Variants in KCTD1 observed in about 807,000 individuals in gnomAD.
KCTD1 encodes BTB/POZ domain-containing protein KCTD1.
KCTD1 carries 24 observed loss-of-function variants against 66.0 expected under a neutral mutation model. That is an observed-to-expected ratio of 0.36 (90% CI 0.26 to 0.51). The LOEUF is 0.51. Ranked by LOEUF, KCTD1 falls within the 20% of genes least tolerant of loss-of-function variation. The probability of loss-of-function intolerance (pLI) is 0.95; values close to 1 mark genes in which losing one functional copy is unlikely to be tolerated. For synonymous variants in KCTD1, 511 were observed against 517.2 expected, an observed-to-expected ratio of 0.99 and a Z score of 0.16; for missense variants, 943 against 1,205.2, an observed-to-expected ratio of 0.78 and a Z score of 3.22.
intron 1 of KCTD1, among the ~76,000 whole-genome samples, chr18:26,567,272 A>G (rs1013295993): frequency 1.3e-5 from 2 of 152,176 alleles, no homozygotes; most frequent in Non-Finnish European, 2.9e-5. Context: ...GTGTTTCAAG[A>G]AACATGTTAC....
intron 1 of KCTD1, among the ~76,000 whole-genome samples, chr18:26,600,587 T>C (rs533399951): frequency 2.6e-5 from 4 of 152,168 alleles, no homozygotes; most frequent in South Asian, 4.2e-4. Context: ...CTTCACCTCA[T>C]GTTAAGAGAA....
intron 1 of KCTD1, among the ~76,000 whole-genome samples, chr18:26,525,995 C>T (rs1393040401): frequency 6.6e-6 from 1 of 152,132 alleles, no homozygotes; most frequent in African/African-American, 2.4e-5. Flanking sequence ...CTATCATTTC[C>T]AGAGCCTACA....
At chr18:26,650,588 A>G (rs1303571249) in intron 1 of KCTD1, among the ~76,000 whole-genome samples, 3 of 152,254 alleles carry the variant, frequency 2.0e-5, no homozygotes, top group Admixed American at 2.0e-4. Context: ...AGAGAGATTC[A>G]GTAATTTAAC....
intron 1 of KCTD1, among the ~76,000 whole-genome samples, chr18:26,540,136 T>C (rs1984906812): frequency 6.6e-6 from 1 of 152,142 alleles, no homozygotes; most frequent in South Asian, 2.1e-4. Flanking sequence ...TGAACTGGGT[T>C]AAACCGGACT....
chr18:26,568,714 C>CTA (rs1240840562), intron 1 of KCTD1, among the ~76,000 whole-genome samples: 3 of 152,216 alleles, frequency 2.0e-5, no homozygotes, highest in Non-Finnish European at 4.4e-5. Context: ...GGCCAACACT[C>CTA]TGTTTGCTTC....
In KCTD1 at chr18:26,459,455, A is replaced by T. The variant is rs79452932; in HGVS notation, c.2439+165T>A. On this transcript the variant is annotated intron_variant, in intron 4 of 4. Transcript: ENST00000580059. ...TCCCAGCACCTGGCACAATCACAAG[A>T]CTTACGGAATGACTGCTATAGAGGG... 1,311 of 641,208 alleles carry T rather than the reference A, an allele frequency of 2.0e-3. 16 individuals are homozygous for T. In the African/African-American group the frequency reaches 0.022, roughly 11 times the overall value. The allele number at this position is 641,208 out of a possible 1,614,324, so 39.7% of individuals were successfully genotyped here. A position where few individuals can be genotyped will look rare whatever the true frequency, so the allele number is the denominator to read the frequency against.
intron 1 of KCTD1, among the ~76,000 whole-genome samples, chr18:26,617,990 G>T (rs1345016298): frequency 1.3e-5 from 2 of 151,392 alleles, no homozygotes; most frequent in Non-Finnish European, 2.9e-5. Flanking sequence ...GTACATCACA[G>T]CACAAATAAT....
At chr18:26,551,103 C>G (rs1340460964), upstream of KCTD1, among the ~76,000 whole-genome samples, 1 of 152,230 alleles carries the variant, frequency 6.6e-6, no homozygotes. Flanking sequence ...CACCAGCTCC[C>G]CTCCCTACTG....
chr18:26,558,920 C>G (rs1264504178), intron 1 of KCTD1, among the ~76,000 whole-genome samples: 2 of 150,828 alleles, frequency 1.3e-5, no homozygotes, highest in African/African-American at 4.9e-5. Flanking sequence ...AAGACTCCGT[C>G]TCAAAAAGAA....
At chr18:26,599,892 G>A (rs546234) in intron 1 of KCTD1, 832,218 of 1,559,582 alleles carry the variant, frequency 0.53, 223,138 homozygotes, top group South Asian at 0.57. Flanking sequence ...CAGGCAAAAA[G>A]CAAAACTTTG....
intron 1 of KCTD1, among the ~76,000 whole-genome samples, chr18:26,614,668 G>C (rs560107560): frequency 6.6e-6 from 1 of 152,184 alleles, no homozygotes; most frequent in African/African-American, 2.4e-5. Flanking sequence ...GCTTTGGAAT[G>C]TTTGGCATTT....
At chr18:26,585,193 G>C (rs984478581) in intron 1 of KCTD1, among the ~76,000 whole-genome samples, 10 of 152,154 alleles carry the variant, frequency 6.6e-5, no homozygotes, top group African/African-American at 2.4e-4. Flanking sequence ...ACCTCTATCT[G>C]TTGGGAAGGT....
At chr18:26,646,530 G>A (rs1390487958) in intron 1 of KCTD1, among the ~76,000 whole-genome samples, 5 of 152,214 alleles carry the variant, frequency 3.3e-5, no homozygotes, top group African/African-American at 7.2e-5. Context: ...ATTTGGAGAC[G>A]TTCTTACCAG....
chr18:26,633,250 A>G (rs1987658862), upstream of KCTD1, among the ~76,000 whole-genome samples: 1 of 152,178 alleles, frequency 6.6e-6, no homozygotes, highest in Non-Finnish European at 1.5e-5. Flanking sequence ...TTTCAAAAAC[A>G]ATACTGGCTC....
At position 26,455,810 on chromosome 18, in the gene KCTD1, C is replaced by T. The variant is rs369248031; in HGVS notation, c.2531G>A (p.Arg844Gln). 6.2e-6 allele frequency: 10 copies of T among 1,614,032 alleles called. No individual in the cohort carries two copies. Among genetic ancestry groups the T allele is most frequent in the African/African-American group, 5.3e-5 (4 of 74,914 alleles). ...DSSQFSEYVL[R>Q]RELRRTPRVP... ...ACGGGGCGTCCGCCTCAGTTCCCGC[C>T]GAAGGACGTATTCGCTGAACTGGGA... is the stretch of plus-strand genomic sequence containing the variant. The change falls in exon 5 of 5, where the codon CGG becomes CAG. Residue 844 changes from arginine (R) to glutamine (Q), a missense_variant. Coordinates refer to ENST00000580059, the MANE Select transcript of KCTD1 (RefSeq NM_001142730.3).
chr18:26,637,350 C>T (rs530484146), intron 1 of KCTD1, among the ~76,000 whole-genome samples: 12 of 152,314 alleles, frequency 7.9e-5, no homozygotes, highest in African/African-American at 2.9e-4. Flanking sequence ...ATGTGAACCC[C>T]AGAGACTGTG....
At chr18:26,638,369 T>G (rs951344776) in intron 1 of KCTD1, among the ~76,000 whole-genome samples, 9 of 152,114 alleles carry the variant, frequency 5.9e-5, no homozygotes, top group African/African-American at 2.2e-4. Context: ...AAAATACAAC[T>G]GCAAAACTAT....
At chr18:26,609,755 A>G (rs1460323580) in intron 1 of KCTD1, among the ~76,000 whole-genome samples, 1 of 152,216 alleles carries the variant, frequency 6.6e-6, no homozygotes, top group Non-Finnish European at 1.5e-5. Context: ...CAAATTCCAG[A>G]AAGAGCCTAG....
At chr18:26,540,553 C>T (rs1007013382) in intron 1 of KCTD1, among the ~76,000 whole-genome samples, 9 of 152,190 alleles carry the variant, frequency 5.9e-5, no homozygotes, top group Admixed American at 4.6e-4. Flanking sequence ...TCCTCTGCCT[C>T]TGCCACCCCT....
Sources: gnomAD v4.1 joint callset for allele counts (sites outside exome capture counted in the v4.1 genomes callset) on GRCh38, gnomAD v4.1.1 for gene constraint, MANE v1.5 for transcripts, NCBI Gene and HGNC (gene_info 2026-07-23, HGNC 2026-07-21) for gene names.